Variants in RARRES2 observed in about 807,000 individuals in gnomAD.
The protein encoded by RARRES2 is retinoic acid receptor responder protein 2.
In RARRES2, 12 loss-of-function variants were observed where a neutral mutation model predicts 17.9. The observed-to-expected ratio is 0.67, with a 90% CI of 0.43 to 1.08. The LOEUF (loss-of-function observed/expected upper bound fraction) is 1.08. Among genes scored for constraint, RARRES2 ranks in the 50% least tolerant of loss-of-function variants. The pLI is 0.00. For synonymous variants in RARRES2, 82 were observed against 86.8 expected, an observed-to-expected ratio of 0.94 and a Z score of 0.31; for missense variants, 220 against 210.1, an observed-to-expected ratio of 1.05 and a Z score of -0.29.
intron 1 of RARRES2, 45 bp from the exon 2 acceptor site, chr7:150,340,674 G>A (rs554901384): frequency 4.9e-6 from 7 of 1,425,084 alleles, no homozygotes; most frequent in South Asian, 1.5e-5. Context: ...GCCAGCCCGA[G>A]CCGCCTCCTC....
chr7:150,339,167 C>T (rs1487327879), intron 3 of RARRES2, 86 bp from the exon 4 acceptor site: 8 of 1,280,932 alleles, frequency 6.2e-6, no homozygotes, highest in African/African-American at 4.4e-5. Context: ...CAGGGCTGCC[C>T]ATCATGGGAC....
chr7:150,338,803 G>T, intron 4 of RARRES2, 62 bp from the exon 5 acceptor site: 1 of 1,567,204 alleles, frequency 6.4e-7, no homozygotes, highest in Non-Finnish European at 8.7e-7. Context: ...GTGGAGGGCT[G>T]CCAGCATCCT....
intron 3 of RARRES2, among the ~76,000 whole-genome samples, chr7:150,339,378 C>T (rs1012250349): frequency 1.3e-5 from 2 of 152,262 alleles, no homozygotes; most frequent in East Asian, 1.9e-4. Flanking sequence ...GGTTTGTATG[C>T]AGGAGTGTGG....
chr7:150,340,349 C>A, intron 2 of RARRES2, 87 bp downstream of exon 2: 1 of 1,548,352 alleles, frequency 6.5e-7, no homozygotes, highest in Non-Finnish European at 8.8e-7. Flanking sequence ...GGGCTCAGAG[C>A]CCAAGCACTT....
chr7:150,338,554 C>T, intron 5 of RARRES2, 61 bp downstream of exon 5: 1 of 1,529,100 alleles, frequency 6.5e-7, no homozygotes. Flanking sequence ...CCCAGCCCAG[C>T]CCCTCAGCAT....
chr7:150,340,726 GTCCA>G, intron 1 of RARRES2, 97 bp from the exon 2 acceptor site: 50 of 1,095,916 alleles, frequency 4.6e-5, no homozygotes, highest in Non-Finnish European at 5.4e-5. Flanking sequence ...CGGGGGCGGG[GTCCA>G]GGCCTGTAGA....
At position 150,339,021 on chromosome 7, in the gene RARRES2, A is replaced by T. The variant is rs761411546; in HGVS notation, c.340T>A (p.Leu114Met). The change falls in exon 4 of 6, where the codon TTG becomes ATG. Residue 114 changes from leucine to methionine, a missense_variant. Leu to Met is a conservative substitution (Grantham distance 15). Transcript: ENST00000223271. ...TGGGTCTCTATGGGGCAGTGGACCA[A>T]CCGGCCCAGAACTTTGTCCTCAGAG... ...LGSEDKVLGR[L>M]VHCPIETQVL... 2 of 1,613,266 alleles carry T rather than the reference A, an allele frequency of 1.2e-6. No individual in the cohort carries two copies. The highest frequency in any genetic ancestry group is 1.7e-6 in the Non-Finnish European group (2 of 1,179,302).
At position 150,340,321 on chromosome 7, in the gene RARRES2, C is replaced by CTT. The variant is rs1798451597; in HGVS notation, c.174+113_174+114dup. The CTT allele has an allele frequency of 4.2e-5, 65 of 1,544,094 alleles. 1 individual carries two copies. In the South Asian group the frequency reaches 7.4e-4, roughly 18 times the overall value. On this transcript the variant is annotated intron_variant, in intron 2 of 5. Transcript: ENST00000223271. The stretch of plus-strand genomic sequence containing the variant: ...ACATTCCAGCAGGCTGGACAGTGGC[C>CTT]TTTTCTCCAAAGGGCTGGGGCTCAG...
chr7:150,338,884 C>CT (rs1798405609), intron 4 of RARRES2, 102 bp downstream of exon 4: 2 of 1,545,010 alleles, frequency 1.3e-6, no homozygotes, highest in Admixed American at 3.4e-5. Flanking sequence ...ACTGCCCTCC[C>CT]TCCTGCTTGG....
intron 3 of RARRES2, among the ~76,000 whole-genome samples, chr7:150,339,292 G>A (rs1285808764): frequency 6.6e-6 from 1 of 152,172 alleles, no homozygotes; most frequent in Non-Finnish European, 1.5e-5. Flanking sequence ...TTCAAACTAT[G>A]GAACTTTCAT....
rs771366724 is a variant in RARRES2 at position 150,338,687 on chromosome 7, C to A, written c.430G>T (p.Asp144Tyr). The A allele has an allele frequency of 3.2e-6, 5 of 1,555,166 alleles. No individual in the cohort carries two copies. The highest frequency in any genetic ancestry group is 4.4e-6 in the Non-Finnish European group (5 of 1,148,958). Residue 144 changes from aspartate (D) to tyrosine (Y), a missense_variant, in exon 5 of 6, where the codon GAC becomes TAC. Transcript: ENST00000223271. The part of the protein sequence containing the change: ...QCLRVQRAGE[D>Y]PHSFYFPGQF... ...CCAGGGAAGTAGAAGCTGTGGGGGT[C>A]CTCACCAGCCCGCTGCACCCTGAGG...
chr7:150,340,030 A>C, intron 3 of RARRES2, 70 bp downstream of exon 3: 1 of 1,403,672 alleles, frequency 7.1e-7, no homozygotes, highest in Admixed American at 1.7e-5. Flanking sequence ...CATGTGCCCC[A>C]CACCCCAAAC....
intron 5 of RARRES2, 53 bp from the exon 6 acceptor site, chr7:150,338,492 G>A: frequency 2.6e-6 from 4 of 1,520,460 alleles, no homozygotes; most frequent in South Asian, 2.5e-5. Flanking sequence ...TTCAGCCCCA[G>A]TCCCAGCTTT....
intron 3 of RARRES2, among the ~76,000 whole-genome samples, 186 bp from the exon 4 acceptor site, chr7:150,339,267 C>G (rs541742873): frequency 1.3e-5 from 2 of 152,274 alleles, no homozygotes; most frequent in African/African-American, 2.4e-5. Flanking sequence ...TGTCAGAAGT[C>G]AGACCCATGC....
chr7:150,340,852 C>T (rs1290216643), intron 1 of RARRES2: 3 of 454,830 alleles, frequency 6.6e-6, no homozygotes, highest in Non-Finnish European at 1.2e-5. Context: ...TCCCTGGGGC[C>T]TGCAGTTTTA....
At chr7:150,340,266 T>A (rs2129618602) in intron 2 of RARRES2, 62 bp from the exon 3 acceptor site, 1 of 1,581,946 alleles carries the variant, frequency 6.3e-7, no homozygotes, top group East Asian at 2.2e-5. Flanking sequence ...GAGCAAGCCC[T>A]GGTGTGATCC....
At chr7:150,340,277 G>T in intron 2 of RARRES2, 73 bp from the exon 3 acceptor site, 2 of 1,563,006 alleles carry the variant, frequency 1.3e-6, no homozygotes, top group East Asian at 2.2e-5. Context: ...GGTGTGATCC[G>T]CACCTCCCTC....
intron 5 of RARRES2, 64 bp downstream of exon 5, chr7:150,338,551 C>CA (rs1195151810): frequency 2.6e-6 from 4 of 1,527,164 alleles, no homozygotes; most frequent in Non-Finnish European, 3.5e-6. Context: ...AAGCCCAGCC[C>CA]AGCCCCTCAG....
At position 150,338,366 on chromosome 7, in the gene RARRES2, C is replaced by T. The variant is rs754733189; in HGVS notation, c.*84G>A. 2.7e-5 allele frequency: 39 copies of T among 1,465,426 alleles called. No homozygotes were observed. The highest frequency in any genetic ancestry group is 1.3e-4 in the African/African-American group (9 of 71,434). 90.8% of individuals were successfully genotyped at this position (1,465,426 alleles called of 1,614,324 possible). A position where few individuals can be genotyped will look rare whatever the true frequency, so the allele number is the denominator to read the frequency against. On this transcript the variant is annotated 3_prime_UTR_variant, in exon 6 of 6. Transcript: ENST00000223271. ...TTTATTATCATGGCTGGGGATAGAA[C>T]GGGTTCCTCTCCCTGGGGGCTGGGG...
Sources: allele counts gnomAD v4.1 joint callset (sites outside exome capture counted in the v4.1 genomes callset), GRCh38; gene constraint gnomAD v4.1.1; transcripts MANE v1.5; gene names NCBI Gene and HGNC (gene_info 2026-07-23, HGNC 2026-07-21).